Variants in RHCE observed in about 807,000 individuals in gnomAD.
RHCE encodes the protein blood group Rh(CE) polypeptide.
RHCE carries 22 observed loss-of-function variants against 43.8 expected under a neutral mutation model. That is an observed-to-expected ratio of 0.50 (90% CI 0.36 to 0.72). The LOEUF is 0.72. RHCE is among the 30% of genes least tolerant of loss of function. RHCE has a pLI of 0.00. For synonymous variants in RHCE, 156 were observed against 210.7 expected (o/e 0.74, Z 2.25); for missense variants, 385 against 525.4 (o/e 0.73, Z 2.61).
Position 25,386,612 on chromosome 1 carries a change from A to G in RHCE, c.940-768T>C, listed in dbSNP as rs139726518. 1.9e-3 allele frequency among the ~76,000 whole-genome samples: 295 copies of G among 152,280 alleles called. 3 individuals carry two copies. Among genetic ancestry groups the G allele is most frequent in the African/African-American group, 6.0e-3 (249 of 41,574 alleles). On this transcript the variant is annotated intron_variant, in intron 6 of 9. Transcript: ENST00000294413. ...AACGTGGGTGGATCACCTGAAGTCA[A>G]GAGTTCAAGACCAGCATGGCCAACA...
intron 1 of RHCE, chr1:25,419,948 C>A (rs552628586): frequency 6.8e-6 from 1 of 146,344 alleles, no homozygotes; most frequent in African/African-American, 2.7e-5. Context: ...GAGACTGAGG[C>A]TGGAGGATCG....
chr1:25,384,953 T>G (rs1394702909), intron 7 of RHCE, among the ~76,000 whole-genome samples: 1 of 152,260 alleles, frequency 6.6e-6, no homozygotes, highest in Non-Finnish European at 1.5e-5. Context: ...TATCAGTGAA[T>G]ATGATTATCA....
intron 2 of RHCE, among the ~76,000 whole-genome samples, chr1:25,405,770 G>A (rs1231598770): frequency 3.2e-5 from 4 of 123,472 alleles, no homozygotes; most frequent in African/African-American, 1.0e-4. Context: ...AAACAACAAC[G>A]TTGAATAAGA....
intron 1 of RHCE, among the ~76,000 whole-genome samples, chr1:25,418,743 C>A (rs770659749): frequency 1.3e-5 from 2 of 152,214 alleles, no homozygotes; most frequent in East Asian, 3.8e-4. Context: ...TCCTACTGAG[C>A]CTTCAAGAGC....
chr1:25,409,981 C>T (rs1167259322), intron 1 of RHCE, among the ~76,000 whole-genome samples: 1 of 152,090 alleles, frequency 6.6e-6, no homozygotes, highest in African/African-American at 2.4e-5. Context: ...ACTGCAACCT[C>T]TGCCTCCTGG....
At chr1:25,373,396 G>A (rs528282661) in intron 8 of RHCE, among the ~76,000 whole-genome samples, 8 of 151,694 alleles carry the variant, frequency 5.3e-5, no homozygotes, top group Admixed American at 1.3e-4. Flanking sequence ...TGCTAAATCC[G>A]GCAGCCTTTC....
chr1:25,403,391 G>A (rs1267732170), intron 2 of RHCE, among the ~76,000 whole-genome samples: 3 of 151,960 alleles, frequency 2.0e-5, no homozygotes, highest in Non-Finnish European at 4.4e-5. Context: ...TCTTCCTATC[G>A]GTGTGTCTAG....
chr1:25,395,804 A>C (rs550131663), intron 3 of RHCE, among the ~76,000 whole-genome samples: 92 of 152,344 alleles, frequency 6.0e-4, no homozygotes, highest in African/African-American at 2.1e-3. Context: ...TATTGAAGGA[A>C]AGATGGAATT....
intron 1 of RHCE, among the ~76,000 whole-genome samples, chr1:25,412,171 G>C (rs1346840397): frequency 6.6e-6 from 1 of 152,242 alleles, no homozygotes; most frequent in Non-Finnish European, 1.5e-5. Flanking sequence ...GCAGAGCGCA[G>C]CTCTGAATGC....
upstream of RHCE, among the ~76,000 whole-genome samples, chr1:25,421,683 G>A (rs397833291): frequency 6.6e-6 from 1 of 152,120 alleles, no homozygotes; most frequent in East Asian, 1.9e-4. Context: ...CCAACTTCCC[G>A]GAACTGTGCT....
At position 25,390,605 on chromosome 1, in the gene RHCE, G is replaced by C. The variant is rs955276797; in HGVS notation, c.801+144C>G. On this transcript the variant is annotated intron_variant, in intron 5 of 9. Coordinates refer to ENST00000294413, the MANE Select transcript of RHCE (RefSeq NM_020485.8). The stretch of plus-strand genomic sequence containing the variant: ...CTGTGACCACCCAGCATTCTTCCTA[G>C]AGCTCCACTGTAGAGGCAGGCACAG... 4.0e-6 allele frequency: 4 copies of C among 1,009,476 alleles called. No individual in the cohort carries two copies. In the African/African-American group the frequency reaches 6.3e-5, roughly 16 times the overall value. The allele number at this position is 1,009,476 out of a possible 1,614,324, so 62.5% of individuals were successfully genotyped here.
chr1:25,381,715 C>T (rs1436363724), intron 7 of RHCE, among the ~76,000 whole-genome samples: 6 of 151,230 alleles, frequency 4.0e-5, no homozygotes, highest in Non-Finnish European at 5.9e-5. Flanking sequence ...GCTTTGGCCT[C>T]CCAAAGTGCT....
intron 1 of RHCE, among the ~76,000 whole-genome samples, chr1:25,415,980 G>A (rs1365841472): frequency 2.6e-5 from 4 of 151,812 alleles, no homozygotes; most frequent in Non-Finnish European, 5.9e-5. Flanking sequence ...AAATTTCCAG[G>A]AGATGCTGAG....
At chr1:25,390,648 C>T (rs636889) in intron 5 of RHCE, 101 bp downstream of exon 5, 711,514 of 1,360,210 alleles carry the variant, frequency 0.52, 190,028 homozygotes, top group African/African-American at 0.57. Context: ...ACCCGGCATG[C>T]CCTCTCCCAA....
chr1:25,373,676 G>A (rs945699976), intron 8 of RHCE, among the ~76,000 whole-genome samples: 2 of 151,684 alleles, frequency 1.3e-5, no homozygotes, highest in African/African-American at 2.4e-5. Flanking sequence ...AGGGAGTGAA[G>A]TGACATGCCC....
intron 2 of RHCE, among the ~76,000 whole-genome samples, chr1:25,403,526 GTTC>G (rs1244888884): frequency 1.3e-4 from 19 of 150,458 alleles, no homozygotes; most frequent in Admixed American, 1.3e-3. Flanking sequence ...GGTCTTGAAG[GTTC>G]TTATGATCCA....
At position 25,395,615 on chromosome 1, in the gene RHCE, G is replaced by C. The variant is rs963669993; in HGVS notation, c.487-3474C>G. Among the ~76,000 whole-genome samples the C allele has an allele frequency of 1.7e-3, 255 of 152,034 alleles. 2 individuals carry two copies. The highest frequency in any genetic ancestry group is 3.4e-3 in the Middle Eastern group (1 of 294). On this transcript the variant is annotated intron_variant, in intron 3 of 9. Transcript: ENST00000294413. ...CTTCATTCCACCTAAGAAAGCTCTGGTGACATTTTCTTCCTGGGAATCAGG... is the reference window on the plus strand; with the variant it reads ...CTTCATTCCACCTAAGAAAGCTCTGCTGACATTTTCTTCCTGGGAATCAGG...
chr1:25,416,781 T>G (rs1647500239), intron 1 of RHCE, among the ~76,000 whole-genome samples: 1 of 144,754 alleles, frequency 6.9e-6, no homozygotes, highest in Non-Finnish European at 1.5e-5. Flanking sequence ...CACACTGGGT[T>G]AAATTTTACA....
chr1:25,386,465 G>C (rs1456074225), intron 6 of RHCE, among the ~76,000 whole-genome samples: 1 of 152,210 alleles, frequency 6.6e-6, no homozygotes, highest in Non-Finnish European at 1.5e-5. Flanking sequence ...GCCAGCAGAT[G>C]TGGACACATA....
Sources: gnomAD v4.1 joint callset for allele counts (sites outside exome capture counted in the v4.1 genomes callset) on GRCh38, gnomAD v4.1.1 for gene constraint, MANE v1.5 for transcripts, NCBI Gene and HGNC (gene_info 2026-07-23, HGNC 2026-07-21) for gene names.